ZNF761: variants seen among roughly 807,000 people sequenced by gnomAD.
The protein encoded by ZNF761 is zinc finger protein 761.
ZNF761 carries 43 observed loss-of-function variants against 59.9 expected under a neutral mutation model. The ratio of observed to expected loss-of-function variants is 0.72; its 90% CI spans 0.56 to 0.92. The LOEUF is 0.92. Among genes scored for constraint, ZNF761 ranks in the 40% least tolerant of loss-of-function variants. The pLI, the probability that ZNF761 is intolerant of heterozygous loss-of-function variation, is 0.00. For synonymous variants in ZNF761, 294 were observed against 304.8 expected, an observed-to-expected ratio of 0.96 and a Z score of 0.37; for missense variants, 850 against 906.1, an observed-to-expected ratio of 0.94 and a Z score of 0.79.
intron 1 of ZNF761, chr19:53,442,444 A>T (rs182449555): frequency 2.4e-6 from 2 of 834,998 alleles, no homozygotes; most frequent in East Asian, 4.8e-5. Flanking sequence ...CTTACTGATA[A>T]TCTCAAGGAG....
chr19:53,456,805 A>G lies in ZNF761; in HGVS notation c.*57A>G. The G allele has an allele frequency of 6.4e-7, 1 of 1,566,416 alleles. No individual in the cohort carries two copies. The highest frequency in any genetic ancestry group is 8.8e-7 in the Non-Finnish European group (1 of 1,141,936). On this transcript the variant is annotated 3_prime_UTR_variant, in exon 5 of 5. Coordinates refer to ENST00000684525, the MANE Select transcript of ZNF761 (RefSeq NM_001289951.2). The stretch of plus-strand genomic sequence containing the variant: ...CACCTTGCAGGTCATCATAGAATTC[A>G]TACTGGGGAGAAACCTTAGAAATGT...
At chr19:53,434,289 G>GT (rs1600078908) in intron 1 of ZNF761, among the ~76,000 whole-genome samples, 1 of 151,972 alleles carries the variant, frequency 6.6e-6, no homozygotes, top group African/African-American at 2.4e-5. Flanking sequence ...TATATCTTTT[G>GT]TTTTTTTCTT....
chr19:53,442,153 G>A lies in ZNF761; in HGVS notation c.-184-4074G>A. On this transcript the variant is annotated intron_variant, in intron 1 of 4. Coordinates refer to ENST00000684525, the MANE Select transcript of ZNF761 (RefSeq NM_001289951.2). ...GAGATACAAAGGTTATTGAAATCTGGGCCTTAAAAGATGAAGAAGATGGAA... is the reference window on the plus strand; with the variant it reads ...GAGATACAAAGGTTATTGAAATCTGAGCCTTAAAAGATGAAGAAGATGGAA... 2.7e-6 allele frequency: 3 copies of A among 1,107,770 alleles called. No homozygotes were observed. In the South Asian group the frequency reaches 3.7e-5, roughly 14 times the overall value. The allele number at this position is 1,107,770 out of a possible 1,614,324, so 68.6% of individuals were successfully genotyped here. A position where few individuals can be genotyped will look rare whatever the true frequency, so the allele number is the denominator to read the frequency against.
intron 1 of ZNF761, among the ~76,000 whole-genome samples, chr19:53,440,878 G>A (rs187473284): frequency 5.1e-4 from 78 of 152,196 alleles, no homozygotes; most frequent in African/African-American, 1.5e-3. Context: ...GTTTCACTAC[G>A]TTTCCCAGGC....
chr19:53,457,117 T>C lies in ZNF761; in HGVS notation c.*369T>C. 1 of 549,700 alleles carries C rather than the reference T, an allele frequency of 1.8e-6. No homozygotes were observed. The highest frequency in any genetic ancestry group is 3.4e-6 in the Non-Finnish European group (1 of 294,618). The allele number at this position is 549,700 out of a possible 1,614,324, so 34.1% of individuals were successfully genotyped here. On this transcript the variant is annotated 3_prime_UTR_variant, in exon 5 of 5. Transcript: ENST00000684525. ...AAAGCCTTTAGTAGGCAGTCAACAC[T>C]TGTTTACCGTCAGGCAATCCATGGT...
intron 4 of ZNF761, chr19:53,450,479 G>T (rs563336882): frequency 6.6e-6 from 1 of 152,058 alleles, no homozygotes; most frequent in African/African-American, 2.4e-5. Context: ...CCTTACCCTT[G>T]TGATTTTGTT....
chr19:53,442,174 T>C (rs1448758329), intron 1 of ZNF761: 2 of 1,125,062 alleles, frequency 1.8e-6, no homozygotes, highest in Non-Finnish European at 2.7e-6. Context: ...ATGAAGAAGA[T>C]GGAACTCCAG....
rs183303526 is a variant in ZNF761, at chr19:53,437,011, C to T, written c.-185+4983C>T. Among the ~76,000 whole-genome samples, 300 of 152,186 alleles carry T rather than the reference C, an allele frequency of 2.0e-3. 2 individuals are homozygous for T. The highest frequency in any genetic ancestry group is 7.0e-3 in the African/African-American group (292 of 41,510). On this transcript the variant is annotated intron_variant, in intron 1 of 4. Transcript: ENST00000684525. ...CATCTTGAGTGACAGCAGAGAGCCA[C>T]GGCACATAGAAATGGCACTTTCGTG... is the stretch of plus-strand genomic sequence containing the variant.
At chr19:53,446,776 T>G (rs1040416942) in intron 2 of ZNF761, among the ~76,000 whole-genome samples, 2 of 152,112 alleles carry the variant, frequency 1.3e-5, no homozygotes, top group African/African-American at 4.8e-5. Context: ...CCTAAGTAGC[T>G]TGGACAACCA....
chr19:53,441,900 A>G lies in ZNF761; in HGVS notation c.-184-4327A>G, dbSNP rs1244003013. 3.8e-6 allele frequency: 6 copies of G among 1,574,682 alleles called. 1 individual carries two copies. Among genetic ancestry groups the G allele is most frequent in the Non-Finnish European group, 3.4e-6 (4 of 1,163,008 alleles). On this transcript the variant is annotated intron_variant, in intron 1 of 4. Coordinates refer to ENST00000684525, the MANE Select transcript of ZNF761 (RefSeq NM_001289951.2). ...ACCACCATCGAGGCAGTGAAGCGCA[A>G]GATCCAGGTTCTGCAGCACCAGGCA...
intron 1 of ZNF761, chr19:53,445,112 C>G (rs1196425160): frequency 1.3e-5 from 2 of 151,840 alleles, no homozygotes; most frequent in East Asian, 3.9e-4. Context: ...TCTCGAGTAG[C>G]TGAGATTACA....
intron 4 of ZNF761, among the ~76,000 whole-genome samples, chr19:53,451,922 G>A (rs2086225713): frequency 6.6e-6 from 1 of 151,998 alleles, no homozygotes; most frequent in Non-Finnish European, 1.5e-5. Flanking sequence ...ATTGCTATTA[G>A]ATGGCTTCAA....
intron 1 of ZNF761, among the ~76,000 whole-genome samples, chr19:53,445,698 T>A (rs545813248): frequency 8.7e-5 from 13 of 148,954 alleles, no homozygotes; most frequent in Non-Finnish European, 1.1e-4. Context: ...TAAAAAAAAT[T>A]TTTTAAAAAA....
At chr19:53,453,646 C>CG (rs1330456028) in intron 4 of ZNF761, among the ~76,000 whole-genome samples, 2 of 152,058 alleles carry the variant, frequency 1.3e-5, no homozygotes, top group African/African-American at 2.4e-5. Context: ...GAGGTTGAGG[C>CG]GGGTGGATCA....
chr19:53,436,365 A>G (rs2086042154), intron 1 of ZNF761, among the ~76,000 whole-genome samples: 1 of 152,214 alleles, frequency 6.6e-6, no homozygotes, highest in African/African-American at 2.4e-5. Flanking sequence ...GGCTGTTCTT[A>G]AAGCCTGCAT....
intron 1 of ZNF761, among the ~76,000 whole-genome samples, chr19:53,435,742 G>A (rs894437714): frequency 6.6e-6 from 1 of 151,936 alleles, no homozygotes; most frequent in African/African-American, 2.4e-5. Context: ...TTCTACCATG[G>A]TTAAGGGGGG....
chr19:53,433,355 CAAG>C (rs901510609), intron 1 of ZNF761, among the ~76,000 whole-genome samples: 2 of 151,390 alleles, frequency 1.3e-5, no homozygotes, highest in Middle Eastern at 3.4e-3. Context: ...GAAAGAAAAA[CAAG>C]AACAGCTAAA....
At chr19:53,445,207 C>A (rs576166559) in intron 1 of ZNF761, 1 of 152,016 alleles carries the variant, frequency 6.6e-6, no homozygotes, top group South Asian at 2.1e-4. Context: ...GACCCTCTTT[C>A]GCTATTTTCA....
In ZNF761 at chr19:53,456,986, T is replaced by C; in HGVS notation, c.*238T>C. The C allele has an allele frequency of 1.4e-6, 1 of 707,192 alleles. No homozygotes were observed. Among genetic ancestry groups the C allele is most frequent in the South Asian group, 1.7e-5 (1 of 59,894 alleles). 43.8% of individuals were successfully genotyped at this position (707,192 alleles called of 1,614,324 possible). A position where few individuals can be genotyped will look rare whatever the true frequency, so the allele number is the denominator to read the frequency against. ...GAGAATTCATACTGGAGAGAAACCA[T>C]AAAAATGTAAGAGTTTGTGACAAGG... On this transcript the variant is annotated 3_prime_UTR_variant, in exon 5 of 5. Transcript: ENST00000684525.
Sources: gnomAD v4.1 joint callset for allele counts (sites outside exome capture counted in the v4.1 genomes callset) on GRCh38, gnomAD v4.1.1 for gene constraint, MANE v1.5 for transcripts, NCBI Gene and HGNC (gene_info 2026-07-23, HGNC 2026-07-21) for gene names.